EPHA2: variants seen among roughly 807,000 people sequenced by gnomAD.
The protein encoded by EPHA2 is ephrin type-A receptor 2.
EPHA2 carries 54 observed loss-of-function variants against 104.9 expected under a neutral mutation model. The ratio of observed to expected loss-of-function variants is 0.51; its 90% CI spans 0.41 to 0.65. The LOEUF (loss-of-function observed/expected upper bound fraction) is 0.65. EPHA2 is among the 30% of genes least tolerant of loss of function. The pLI, the probability that EPHA2 is intolerant of heterozygous loss-of-function variation, is 0.00. For missense variants in EPHA2, 1,117 were observed against 1,369.5 expected, an observed-to-expected ratio of 0.82 and a Z score of 2.91; for synonymous variants, 560 against 559.1, an observed-to-expected ratio of 1.00 and a Z score of -0.02.
chr1:16,137,610 A>G (rs2024737850), intron 5 of EPHA2, among the ~76,000 whole-genome samples: 1 of 152,266 alleles, frequency 6.6e-6, no homozygotes. Flanking sequence ...AAAAAAGGGA[A>G]AAATATTGCA....
chr1:16,131,592 A>T lies in EPHA2; in HGVS notation c.2475+129T>A. 6 of 1,367,280 alleles carry T rather than the reference A, an allele frequency of 4.4e-6. No homozygotes were observed. Among genetic ancestry groups the T allele is most frequent in the South Asian group, 1.4e-5 (1 of 71,954 alleles). The allele number at this position is 1,367,280 out of a possible 1,614,324, so 84.7% of individuals were successfully genotyped here. A position where few individuals can be genotyped will look rare whatever the true frequency, so the allele number is the denominator to read the frequency against. Reference sequence around the variant, plus strand: ...CAAAACTCCGTCTCCAAAAAAAAAAAATAAACATTTATGGAGCAAGCCTAA... The same window carrying T: ...CAAAACTCCGTCTCCAAAAAAAAAATATAAACATTTATGGAGCAAGCCTAA... On this transcript the variant is annotated intron_variant, in intron 14 of 16. Coordinates refer to ENST00000358432, the MANE Select transcript of EPHA2 (RefSeq NM_004431.5). The surrounding 1 kb of genome is among the most constrained non-coding windows in gnomAD (Gnocchi z 5.2).
At chr1:16,129,643 C>T (rs2024537955) in intron 15 of EPHA2, 54 bp from the exon 16 acceptor site, 4 of 1,562,034 alleles carry the variant, frequency 2.6e-6, no homozygotes, top group Non-Finnish European at 3.5e-6. Flanking sequence ...CCACCCTGGG[C>T]CCTGCACCTG....
rs867609187 is a variant in EPHA2 at position 16,150,340 on chromosome 1, C to T, written c.153+556G>A. Among the ~76,000 whole-genome samples the T allele has an allele frequency of 1.4e-4, 22 of 152,180 alleles. No individual in the cohort carries two copies. Among genetic ancestry groups the T allele is most frequent in the Non-Finnish European group, 8.8e-5 (6 of 68,034 alleles). On this transcript the variant is annotated intron_variant, in intron 2 of 16. Transcript: ENST00000358432. The surrounding 1 kb of genome is among the most constrained non-coding windows in gnomAD (Gnocchi z 4.8). ...CAGGGGAAGAACCCCCAGCCCCTGC[C>T]CCCATTCCTGGTCACATCAGGACGG...
chr1:16,150,129 G>A lies in EPHA2; in HGVS notation c.153+767C>T, dbSNP rs771997030. Among the ~76,000 whole-genome samples, 6 of 152,178 alleles carry A rather than the reference G, an allele frequency of 3.9e-5. No homozygotes were observed. The highest frequency in any genetic ancestry group is 9.7e-5 in the African/African-American group (4 of 41,430). ...CCTGCCCAGAGCTAGGGTGACCGGGGACAAGAACTCGACTCATGCAGATCT... is the reference window on the plus strand; with the variant it reads ...CCTGCCCAGAGCTAGGGTGACCGGGAACAAGAACTCGACTCATGCAGATCT... On this transcript the variant is annotated intron_variant, in intron 2 of 16. Coordinates refer to ENST00000358432, the MANE Select transcript of EPHA2 (RefSeq NM_004431.5). This position sits in a 1 kb window ranked among gnomAD's most constrained non-coding sequence, Gnocchi z 4.8.
Position 16,130,468 on chromosome 1 carries a change from C to G in EPHA2, c.2476-49G>C. 1 of 1,504,580 alleles carries G rather than the reference C, an allele frequency of 6.6e-7. No individual in the cohort carries two copies. The allele number at this position is 1,504,580 out of a possible 1,614,324, so 93.2% of individuals were successfully genotyped here. On this transcript the variant is annotated intron_variant, in intron 14 of 16. Coordinates refer to ENST00000358432, the MANE Select transcript of EPHA2 (RefSeq NM_004431.5). The surrounding 1 kb of genome is among the most constrained non-coding windows in gnomAD (Gnocchi z 4.5). ...GCGCTGTTGCAGAAAGCCACTGAAA[C>G]CCTCTGCAGCCTCCAGCCTATGGAG...
Position 16,135,123 on chromosome 1 carries a change from G to A in EPHA2, c.1495C>T (p.Pro499Ser), listed in dbSNP as rs780478764. ...ACCTGGACCAGGTAGGTGGTGTCTG[G>A]GGCCAGGTCGTCCAGGGTCACGGAG... is the stretch of plus-strand genomic sequence containing the variant. ...GFSVTLDDLA[P>S]DTTYLVQVQA... Residue 499 changes from proline (P) to serine (S), a missense_variant, in exon 7 of 17, where the codon CCA (proline) becomes TCA (serine). Physicochemically the swap from Pro to Ser is moderately conservative, Grantham distance 74. Around this residue, in one of 3 missense-constraint regions of EPHA2, gnomAD observed 664 missense variants for 784.8 expected, o/e 0.85. Transcript: ENST00000358432. The surrounding 1 kb of genome is among the most constrained non-coding windows in gnomAD (Gnocchi z 4.3). The A allele has an allele frequency of 3.7e-6, 6 of 1,613,910 alleles. No individual in the cohort carries two copies. Among genetic ancestry groups the A allele is most frequent in the Non-Finnish European group, 5.1e-6 (6 of 1,180,038 alleles).
chr1:16,136,488 G>A (rs1211191170), intron 5 of EPHA2, among the ~76,000 whole-genome samples: 6 of 150,542 alleles, frequency 4.0e-5, no homozygotes, highest in African/African-American at 1.5e-4. Context: ...GCATGGTGGC[G>A]CATGCCTGTA....
chr1:16,125,194 G>T lies in EPHA2; in HGVS notation c.*21C>A. ...TTCTTCAAGTATTCTTGGCCGATGG[G>T]GCTCCAGGCCCTGTCGAGGCTCAGA... On this transcript the variant is annotated 3_prime_UTR_variant, in exon 17 of 17. Transcript: ENST00000358432. This position sits in a 1 kb window ranked among gnomAD's most constrained non-coding sequence, Gnocchi z 4.9. The T allele has an allele frequency of 6.2e-7, 1 of 1,609,424 alleles. No individual in the cohort carries two copies.
rs1457491348 is a variant in EPHA2 at position 16,148,560 on chromosome 1, G to T, written c.641C>A (p.Thr214Asn). 6.2e-7 allele frequency: 1 copy of T among 1,612,662 alleles called. No homozygotes were observed. The highest frequency in any genetic ancestry group is 8.5e-7 in the Non-Finnish European group (1 of 1,180,010). Residue 214 changes from threonine (T) to asparagine (N), a missense_variant, in exon 3 of 17, where the codon ACC (threonine) becomes AAC (asparagine). Coordinates refer to ENST00000358432, the MANE Select transcript of EPHA2 (RefSeq NM_004431.5). This position sits in a 1 kb window ranked among gnomAD's most constrained non-coding sequence, Gnocchi z 4.9. ...LLQGLAHFPE[T>N]IAGSDAPSLA... The stretch of plus-strand genomic sequence containing the variant: ...GGAAGGTGCATCAGAGCCGGCGATG[G>T]TCTCAGGGAAGTGGGCCAGGCCCTG...
chr1:16,149,853 A>T (rs912819362), intron 2 of EPHA2, among the ~76,000 whole-genome samples: 1 of 152,154 alleles, frequency 6.6e-6, no homozygotes, highest in Non-Finnish European at 1.5e-5. Context: ...GTGTCCCGAG[A>T]GCCGGCCTGA....
At chr1:16,133,103 G>T in intron 11 of EPHA2, 77 bp downstream of exon 11, 1 of 1,586,088 alleles carries the variant, frequency 6.3e-7, no homozygotes, top group Non-Finnish European at 8.6e-7. Flanking sequence ...AGGTATAGGG[G>T]AGGTGGGCAC....
In EPHA2 at chr1:16,134,154, T is replaced by G. The variant is rs548510077; in HGVS notation, c.1683-239A>C. Reference sequence around the variant, plus strand: ...CCTCTCCAGGATCTAGGCCCCAGAATGGCCCCTTAAGCAGTCGTGACGAAG... The same window carrying G: ...CCTCTCCAGGATCTAGGCCCCAGAAGGGCCCCTTAAGCAGTCGTGACGAAG... On this transcript the variant is annotated intron_variant, in intron 8 of 16. Coordinates refer to ENST00000358432, the MANE Select transcript of EPHA2 (RefSeq NM_004431.5). This position sits in a 1 kb window ranked among gnomAD's most constrained non-coding sequence, Gnocchi z 4.5. 1.0e-3 allele frequency among the ~76,000 whole-genome samples: 152 copies of G among 152,068 alleles called. No individual in the cohort carries two copies. The highest frequency in any genetic ancestry group is 1.6e-3 in the Non-Finnish European group (111 of 67,982).
chr1:16,133,104 A>G, intron 11 of EPHA2, 76 bp downstream of exon 11: 1 of 1,587,102 alleles, frequency 6.3e-7, no homozygotes, highest in South Asian at 1.1e-5. Context: ...GGTATAGGGG[A>G]GGTGGGCACA....
chr1:16,132,137 A>G lies in EPHA2; in HGVS notation c.2252T>C (p.Leu751Pro), dbSNP rs776327777. The G allele has an allele frequency of 6.2e-7, 1 of 1,614,198 alleles. No homozygotes were observed. Among genetic ancestry groups the G allele is most frequent in the South Asian group, 1.1e-5 (1 of 91,088 alleles). Residue 751 changes from leucine (L) to proline (P), a missense_variant, in exon 13 of 17, where the codon CTG (leucine) becomes CCG (proline). Physicochemically the swap from Leu to Pro is moderately conservative, Grantham distance 98. This residue lies in a region of EPHA2 where 340 missense variants were observed against 480.5 expected (regional missense o/e 0.71). Transcript: ENST00000358432. ...GCCAAAGTCAGACACCTTGCAGACC[A>G]GGTTGCTGTTGACGAGGATGTTGCG... Reference protein sequence around the residue: ...AARNILVNSNLVCKVSDFGLS... With the variant: ...AARNILVNSNPVCKVSDFGLS...
chr1:16,126,966 C>T (rs892426055), intron 16 of EPHA2, among the ~76,000 whole-genome samples: 3 of 152,114 alleles, frequency 2.0e-5, no homozygotes, highest in South Asian at 2.1e-4. Context: ...AATGCATGAG[C>T]GAATGAATGC....
intron 3 of EPHA2, among the ~76,000 whole-genome samples, chr1:16,138,865 G>T (rs2024770983): frequency 6.6e-6 from 1 of 152,162 alleles, no homozygotes; most frequent in Admixed American, 6.5e-5. Context: ...GCTGCCCAGG[G>T]CAATGACTGC....
In EPHA2 at chr1:16,148,692, A is replaced by G. The variant is rs2124262466; in HGVS notation, c.509T>C (p.Val170Ala). ...HVKLNVEERS[V>A]GPLTRKGFYL... ...GAAGCCTTTGCGGGTGAGCGGCCCC[A>G]CGGAGCGCTCCTCCACGTTCAGCTT... The change falls in exon 3 of 17, where the codon GTG (valine) becomes GCG (alanine). Residue 170 changes from valine (V) to alanine (A), a missense_variant. Physicochemically the swap from Val to Ala is moderately conservative, Grantham distance 64. Transcript: ENST00000358432. The surrounding 1 kb of genome is among the most constrained non-coding windows in gnomAD (Gnocchi z 4.9). 6.2e-7 allele frequency: 1 copy of G among 1,612,184 alleles called. No homozygotes were observed. The highest frequency in any genetic ancestry group is 8.5e-7 in the Non-Finnish European group (1 of 1,180,034).
In EPHA2 at chr1:16,148,643, A is replaced by G; in HGVS notation, c.558T>C (p.Gly186=). Residue 186 remains glycine, a synonymous_variant, in exon 3 of 17, where the codon GGT becomes GGC. Transcript: ENST00000358432. This position sits in a 1 kb window ranked among gnomAD's most constrained non-coding sequence, Gnocchi z 4.9. Reference sequence around the variant, plus strand: ...GGACGGAGAGCAGCGCCACACAGGCACCGATATCCTGGAAGGCCAGGTAGA... The same window carrying G: ...GGACGGAGAGCAGCGCCACACAGGCGCCGATATCCTGGAAGGCCAGGTAGA... ...KGFYLAFQDI[G]ACVALLSVRV... 1 of 1,608,878 alleles carries G rather than the reference A, an allele frequency of 6.2e-7. No individual in the cohort carries two copies. Among genetic ancestry groups the G allele is most frequent in the Non-Finnish European group, 8.5e-7 (1 of 1,180,002 alleles).
Position 16,135,621 on chromosome 1 carries a change from C to T in EPHA2, c.1428+34G>A. ...ACCAGCCTGTCCCCTGCTGTCGGCC[C>T]AGCTAGAGCCAGCCCCGCCCCTCTG... On this transcript the variant is annotated intron_variant, in intron 6 of 16. Transcript: ENST00000358432. The surrounding 1 kb of genome is among the most constrained non-coding windows in gnomAD (Gnocchi z 4.3). The T allele has an allele frequency of 6.3e-7, 1 of 1,594,938 alleles. No individual in the cohort carries two copies. Among genetic ancestry groups the T allele is most frequent in the Non-Finnish European group, 8.6e-7 (1 of 1,162,846 alleles).
Sources: gnomAD v4.1 joint callset for allele counts (sites outside exome capture counted in the v4.1 genomes callset) on GRCh38, gnomAD v4.1.1 for gene constraint, gnomAD v4.1.1 regional missense constraint, Gnocchi (gnomAD v3.1) non-coding constraint, MANE v1.5 for transcripts, NCBI Gene and HGNC (gene_info 2026-07-23, HGNC 2026-07-21) for gene names.